CDKN2B-AS1: variants seen among roughly 807,000 people sequenced by gnomAD.
CDKN2B-AS1 encodes CDKN2B antisense RNA 1 (non-protein coding).
chr9:22,054,844 C>G (rs972371683), intron 3 of CDKN2B-AS1, among the ~76,000 whole-genome samples: 1 of 151,508 alleles, frequency 6.6e-6, no homozygotes, highest in Non-Finnish European at 1.5e-5. Flanking sequence ...TTCTGCCTCC[C>G]GGGTTCAAGC....
At chr9:22,046,545 C>T (rs1823115618) in intron 1 of CDKN2B-AS1, 1 of 152,118 alleles carries the variant, frequency 6.6e-6, no homozygotes, top group African/African-American at 2.4e-5. Flanking sequence ...GCATTGGCAT[C>T]TGTACTAGAA....
At chr9:22,081,785 G>C (rs544935682) in intron 4 of CDKN2B-AS1, among the ~76,000 whole-genome samples, 3 of 152,300 alleles carry the variant, frequency 2.0e-5, no homozygotes, top group African/African-American at 7.2e-5. Flanking sequence ...ACAGTGTTAT[G>C]AAAAATAGGG....
At chr9:22,116,866 CA>C (rs1825962786) in intron 4 of CDKN2B-AS1, among the ~76,000 whole-genome samples, 1 of 152,164 alleles carries the variant, frequency 6.6e-6, no homozygotes, top group African/African-American at 2.4e-5. Context: ...ATAGTAAAAC[CA>C]TTCTTCCTGA....
At chr9:22,011,785 C>A (rs758699855) in intron 1 of CDKN2B-AS1, among the ~76,000 whole-genome samples, 1 of 152,150 alleles carries the variant, frequency 6.6e-6, no homozygotes, top group Non-Finnish European at 1.5e-5. Context: ...TCCTTGAAAC[C>A]CAGCTGTCTC....
intron 4 of CDKN2B-AS1, chr9:22,066,488 C>G (rs572284530): frequency 6.6e-6 from 1 of 152,120 alleles, no homozygotes; most frequent in South Asian, 2.1e-4. Context: ...AGCCACTGCA[C>G]TAAGCCAAAA....
intron 1 of CDKN2B-AS1, among the ~76,000 whole-genome samples, chr9:22,044,698 C>T (rs1484916109): frequency 3.3e-5 from 5 of 151,826 alleles, no homozygotes; most frequent in African/African-American, 4.8e-5. Context: ...TCCTCCCTCC[C>T]CCTCCTTCCT....
intron 1 of CDKN2B-AS1, among the ~76,000 whole-genome samples, chr9:22,037,804 C>T (rs1822749896): frequency 6.6e-6 from 1 of 151,916 alleles, no homozygotes; most frequent in Admixed American, 6.6e-5. Flanking sequence ...TTCTATATTC[C>T]ATTTAGAGGA....
chr9:22,011,405 CA>C (rs1821503019), intron 1 of CDKN2B-AS1, among the ~76,000 whole-genome samples: 1 of 152,144 alleles, frequency 6.6e-6, no homozygotes, highest in African/African-American at 2.4e-5. Flanking sequence ...GCTGTTGTTT[CA>C]TTTAATACTC....
intron 4 of CDKN2B-AS1, among the ~76,000 whole-genome samples, chr9:22,071,284 GCTT>G (rs1563962589): frequency 6.5e-5 from 5 of 77,478 alleles, no homozygotes; most frequent in African/African-American, 3.0e-4. Context: ...GAAATATCTA[GCTT>G]TTTTTTTTTT....
intron 1 of CDKN2B-AS1, among the ~76,000 whole-genome samples, chr9:22,015,237 G>T (rs1427809780): frequency 1.3e-5 from 2 of 152,098 alleles, no homozygotes; most frequent in Non-Finnish European, 2.9e-5. Context: ...CAGTGTAAAA[G>T]TGTTCCTATT....
intron 4 of CDKN2B-AS1, among the ~76,000 whole-genome samples, chr9:22,109,150 A>G (rs1346435768): frequency 6.6e-6 from 1 of 152,206 alleles, no homozygotes; most frequent in Non-Finnish European, 1.5e-5. Flanking sequence ...AAGCCAAGGA[A>G]TGAAAGTGTT....
At chr9:22,074,817 T>C (rs1824433059) in intron 4 of CDKN2B-AS1, among the ~76,000 whole-genome samples, 1 of 152,226 alleles carries the variant, frequency 6.6e-6, no homozygotes, top group African/African-American at 2.4e-5. Context: ...ATCTGGTTTC[T>C]CTTAAGCCAG....
chr9:22,071,120 TA>T (rs1824268731), intron 4 of CDKN2B-AS1, among the ~76,000 whole-genome samples: 1 of 151,424 alleles, frequency 6.6e-6, no homozygotes, highest in South Asian at 2.1e-4. Context: ...AGTCAGTTTT[TA>T]AAAAATTCAA....
intron 4 of CDKN2B-AS1, among the ~76,000 whole-genome samples, chr9:22,076,703 AT>A (rs1824506141): frequency 6.6e-6 from 1 of 152,116 alleles, no homozygotes; most frequent in African/African-American, 2.4e-5. Context: ...TTTTAAATTT[AT>A]TTTTTTGAGA....
At chr9:22,055,697 G>A (rs1170474246) in intron 3 of CDKN2B-AS1, among the ~76,000 whole-genome samples, 2 of 152,158 alleles carry the variant, frequency 1.3e-5, no homozygotes, top group African/African-American at 4.8e-5. Flanking sequence ...GATGATCCAC[G>A]TGCTGGCAGA....
At chr9:22,009,699 G>C (rs2069418) in intron 1 of CDKN2B-AS1, among the ~76,000 whole-genome samples, 106,323 of 152,148 alleles carry the variant, frequency 0.7, 39,198 homozygotes, top group African/African-American at 0.92. Context: ...ATAACTCCGT[G>C]TTTCTTAAGA....
At chr9:22,064,342 T>C (rs1257891971) in intron 4 of CDKN2B-AS1, among the ~76,000 whole-genome samples, 1 of 152,170 alleles carries the variant, frequency 6.6e-6, no homozygotes, top group African/African-American at 2.4e-5. Context: ...ATTCCTACCT[T>C]AGCTCTGTGT....
chr9:22,091,130 T>C (rs1377755035), intron 4 of CDKN2B-AS1, among the ~76,000 whole-genome samples: 9 of 152,196 alleles, frequency 5.9e-5, no homozygotes. Flanking sequence ...AAAGATCAGA[T>C]TGTTGTAGAT....
At chr9:22,004,728 C>T (rs1821081243) in intron 1 of CDKN2B-AS1, 1 of 232,896 alleles carries the variant, frequency 4.3e-6, no homozygotes, top group Admixed American at 5.6e-5. Flanking sequence ...AGTTTTTATA[C>T]TCAATCTACT....
Sources: gnomAD v4.1 joint callset for allele counts (sites outside exome capture counted in the v4.1 genomes callset) on GRCh38, gnomAD v4.1.1 for gene constraint, MANE v1.5 for transcripts, NCBI Gene and HGNC (gene_info 2026-07-23, HGNC 2026-07-21) for gene names.